Variants in RAX observed in about 807,000 individuals in gnomAD.
RAX encodes the protein retina and anterior neural fold homeobox, also known as retinal homeobox protein Rx.
RAX carries 11 observed loss-of-function variants against 17.4 expected under a neutral mutation model. That is an observed-to-expected ratio of 0.63 (90% CI 0.40 to 1.05). RAX has a LOEUF of 1.05. RAX is among the 50% of genes least tolerant of loss of function. RAX has a pLI of 0.00. For synonymous variants in RAX, 276 were observed against 254.7 expected (o/e 1.08, Z -0.80); for missense variants, 527 against 501.1 (o/e 1.05, Z -0.49).
intron 2 of RAX, among the ~76,000 whole-genome samples, 194 bp from the exon 3 acceptor site, chr18:59,269,695 TTC>T (rs2070319106): frequency 6.7e-6 from 1 of 149,670 alleles, no homozygotes; most frequent in Admixed American, 6.6e-5. Flanking sequence ...CCACCCCGCG[TTC>T]TCTTTTCTTT....
At position 59,267,227 on chromosome 18, in the gene RAX, G is replaced by A. The variant is rs895420054; in HGVS notation, c.*1777C>T. 6.6e-6 allele frequency: 1 copy of A among 152,224 alleles called. No individual in the cohort carries two copies. The highest frequency in any genetic ancestry group is 1.5e-5 in the Non-Finnish European group (1 of 68,060). 9.4% of individuals were successfully genotyped at this position (152,224 alleles called of 1,614,324 possible). On this transcript the variant is annotated 3_prime_UTR_variant, in exon 3 of 3. Transcript: ENST00000334889. Reference sequence around the variant, plus strand: ...GTGCAAGGCACCATCTGGAGGTCTAGGGGTACACAGCCCTGGTTATGCAAT... The same window carrying A: ...GTGCAAGGCACCATCTGGAGGTCTAAGGGTACACAGCCCTGGTTATGCAAT...
At chr18:59,272,691 C>G in intron 1 of RAX, 77 bp from the exon 2 acceptor site, 1 of 1,492,012 alleles carries the variant, frequency 6.7e-7, no homozygotes, top group East Asian at 2.4e-5. Context: ...GCTGTGGGCA[C>G]TGGCCAGCCC....
chr18:59,273,012 C>T lies in RAX; in HGVS notation c.195G>A (p.Arg65=), dbSNP rs1428387341. 7.8e-6 allele frequency: 12 copies of T among 1,533,646 alleles called. No individual in the cohort carries two copies. The highest frequency in any genetic ancestry group is 3.6e-5 in the South Asian group (3 of 83,954). ...RGARGAKERD[R]RLGARPACPK... ...GGCAGGCGGGCCGCGCGCCCAGCCT[C>T]CTATCCCGCTCCTTCGCGCCCCGGG... The change falls in exon 1 of 3, where the codon AGG becomes AGA. Residue 65 remains arginine (R), a synonymous_variant. Transcript: ENST00000334889.
At chr18:59,270,400 CTTT>C (rs762604807) in intron 2 of RAX, among the ~76,000 whole-genome samples, 27 of 152,192 alleles carry the variant, frequency 1.8e-4, no homozygotes, top group Non-Finnish European at 3.2e-4. Context: ...GCTTCTTCTT[CTTT>C]ATCTGTACGA....
At chr18:59,272,323 C>A (rs747768044) in intron 2 of RAX, 38 bp downstream of exon 2, 2 of 1,613,884 alleles carry the variant, frequency 1.2e-6, no homozygotes, top group South Asian at 1.1e-5. Context: ...GGGCCTCGGG[C>A]CCTCCCAGAT....
chr18:59,269,734 CTCTCTTT>C (rs909808630), intron 2 of RAX, among the ~76,000 whole-genome samples: 1 of 79,758 alleles, frequency 1.3e-5, no homozygotes, highest in African/African-American at 4.1e-5. Context: ...CTCTCTCTCT[CTCTCTTT>C]TTTTTTTTTT....
rs2144155956 is a variant in RAX at position 59,272,986 on chromosome 18, G to A, written c.221C>T (p.Pro74Leu). 6.6e-7 allele frequency: 1 copy of A among 1,524,488 alleles called. No homozygotes were observed. Among genetic ancestry groups the A allele is most frequent in the East Asian group, 2.5e-5 (1 of 39,518 alleles). 94.4% of individuals were successfully genotyped at this position (1,524,488 alleles called of 1,614,324 possible). Residue 74 changes from proline to leucine, a missense_variant, in exon 1 of 3, where the codon CCC (proline) becomes CTC (leucine). Pro to Leu is a moderately conservative substitution (Grantham distance 98). Coordinates refer to ENST00000334889, the MANE Select transcript of RAX (RefSeq NM_013435.3). ...CTCGGAGCCTTCCTCGGGCGCCTTG[G>A]GGCAGGCGGGCCGCGCGCCCAGCCT... ...DRRLGARPAC[P>L]KAPEEGSEPS... is the part of the protein sequence containing the mutation.
At chr18:59,270,715 G>T (rs754310150) in intron 2 of RAX, among the ~76,000 whole-genome samples, 1 of 152,208 alleles carries the variant, frequency 6.6e-6, no homozygotes. Context: ...CCCAAGCACC[G>T]CAGGGCAAGT....
In RAX at chr18:59,268,314, A is replaced by G. The variant is rs2070299911; in HGVS notation, c.*690T>C. 6.6e-6 allele frequency: 1 copy of G among 152,402 alleles called. No individual in the cohort carries two copies. The highest frequency in any genetic ancestry group is 2.4e-5 in the African/African-American group (1 of 41,446). 9.4% of individuals were successfully genotyped at this position (152,402 alleles called of 1,614,324 possible). Reference sequence around the variant, plus strand: ...CAAGCGCGCACGCCGGCTCCAGGGAAGGGCGCCTCTGGTCTAGGCCGCCGA... The same window carrying G: ...CAAGCGCGCACGCCGGCTCCAGGGAGGGGCGCCTCTGGTCTAGGCCGCCGA... On this transcript the variant is annotated 3_prime_UTR_variant, in exon 3 of 3. Transcript: ENST00000334889. This position sits in a 1 kb window ranked among gnomAD's most constrained non-coding sequence, Gnocchi z 4.4.
intron 2 of RAX, among the ~76,000 whole-genome samples, chr18:59,270,673 C>G (rs1468959386): frequency 6.6e-6 from 1 of 152,124 alleles, no homozygotes; most frequent in Non-Finnish European, 1.5e-5. Flanking sequence ...CAGGGGACCC[C>G]CGAGGAGAGC....
intron 2 of RAX, among the ~76,000 whole-genome samples, chr18:59,270,055 T>G (rs1318971762): frequency 6.6e-6 from 1 of 152,196 alleles, no homozygotes; most frequent in African/African-American, 2.4e-5. Flanking sequence ...TCTCAGACTT[T>G]CTCTGCTTTA....
intron 2 of RAX, among the ~76,000 whole-genome samples, chr18:59,270,448 T>A (rs1257822330): frequency 6.6e-6 from 1 of 152,236 alleles, no homozygotes; most frequent in Non-Finnish European, 1.5e-5. Context: ...GTTCTTCCAA[T>A]GAAACTTCAT....
At chr18:59,272,676 G>A (rs368376555) in intron 1 of RAX, 62 bp from the exon 2 acceptor site, 6 of 1,526,816 alleles carry the variant, frequency 3.9e-6, no homozygotes, top group Non-Finnish European at 5.2e-6. Context: ...GGCCGACCCC[G>A]CCTCGCTGTG....
chr18:59,272,862 C>G (rs981262175), intron 1 of RAX, 56 bp downstream of exon 1: 34 of 1,491,286 alleles, frequency 2.3e-5, no homozygotes, highest in Non-Finnish European at 2.7e-5. Flanking sequence ...CTCGTCTGGC[C>G]AACTCCTAAG....
chr18:59,269,547 G>A, intron 2 of RAX, 46 bp from the exon 3 acceptor site: 1 of 1,587,182 alleles, frequency 6.3e-7, no homozygotes, highest in Non-Finnish European at 8.5e-7. Flanking sequence ...CGGAGGCTGC[G>A]GCCGCGTCCC....
Position 59,272,964 on chromosome 18 carries a change from G to T in RAX, c.243C>A (p.Ser81=), listed in dbSNP as rs1381495850. The T allele has an allele frequency of 4.3e-5, 66 of 1,521,086 alleles. No homozygotes were observed. The highest frequency in any genetic ancestry group is 5.5e-5 in the Non-Finnish European group (63 of 1,142,482). The allele number at this position is 1,521,086 out of a possible 1,614,324, so 94.2% of individuals were successfully genotyped here. The change falls in exon 1 of 3, where the codon TCC becomes TCA. Residue 81 remains serine (S), a synonymous_variant. Coordinates refer to ENST00000334889, the MANE Select transcript of RAX (RefSeq NM_013435.3). The part of the protein sequence containing the change: ...PACPKAPEEG[S]EPSPPPAPAP... ...CCGGGGCTGGCGGCGGGGAGGGCTCGGAGCCTTCCTCGGGCGCCTTGGGGC... is the reference window on the plus strand; with the variant it reads ...CCGGGGCTGGCGGCGGGGAGGGCTCTGAGCCTTCCTCGGGCGCCTTGGGGC...
At chr18:59,271,160 T>C (rs2070335163) in intron 2 of RAX, among the ~76,000 whole-genome samples, 1 of 152,186 alleles carries the variant, frequency 6.6e-6, no homozygotes, top group Admixed American at 6.5e-5. Flanking sequence ...CTCAAGAATC[T>C]CACAACTTAG....
chr18:59,272,352 G>A lies in RAX; in HGVS notation c.543+9C>T, dbSNP rs369437490. On this transcript the variant is annotated intron_variant, in intron 2 of 2. Transcript: ENST00000334889. Reference sequence around the variant, plus strand: ...CCCAGATCCCAGTTCCTCAACCTGGGCGCTTTACCTGGACCCGGACCTCTG... The same window carrying A: ...CCCAGATCCCAGTTCCTCAACCTGGACGCTTTACCTGGACCCGGACCTCTG... The A allele has an allele frequency of 3.1e-6, 5 of 1,614,220 alleles. No individual in the cohort carries two copies. The highest frequency in any genetic ancestry group is 3.4e-6 in the Non-Finnish European group (4 of 1,180,052).
At chr18:59,271,888 A>G (rs1183470610) in intron 2 of RAX, among the ~76,000 whole-genome samples, 1 of 152,258 alleles carries the variant, frequency 6.6e-6, no homozygotes, top group African/African-American at 2.4e-5. Flanking sequence ...TTTCTTAAAT[A>G]AATCCACCCG....
Sources: allele counts gnomAD v4.1 joint callset (sites outside exome capture counted in the v4.1 genomes callset), GRCh38; gene constraint gnomAD v4.1.1; non-coding constraint Gnocchi (gnomAD v3.1); transcripts MANE v1.5; gene names NCBI Gene and HGNC (gene_info 2026-07-23, HGNC 2026-07-21).